The following CHRNA4 variants were observed in gnomAD, a reference collection of about 807,000 sequenced individuals.
CHRNA4 encodes cholinergic receptor nicotinic alpha 4 subunit.
CHRNA4 carries 28 observed loss-of-function variants against 48.9 expected under a neutral mutation model. The ratio of observed to expected loss-of-function variants is 0.57; its 90% confidence interval spans 0.42 to 0.79. The LOEUF (loss-of-function observed/expected upper bound fraction) is 0.79. Among genes scored for constraint, CHRNA4 ranks in the 30% least tolerant of loss-of-function variants. The pLI is 0.00. For missense variants in CHRNA4, 859 were observed against 898.4 expected, an observed-to-expected ratio of 0.96 and a Z score of 0.56; for synonymous variants, 425 against 402.3, an observed-to-expected ratio of 1.06 and a Z score of -0.68.
intron 4 of CHRNA4, 167 bp from the exon 5 acceptor site, chr20:63,351,194 C>A: frequency 1.7e-6 from 1 of 590,784 alleles, no homozygotes; most frequent in African/African-American, 2.0e-5. Flanking sequence ...TGTCCCACGC[C>A]CACATCCACA....
Position 63,346,195 on chromosome 20 carries a change from G to A in CHRNA4, c.*543C>T. 2.2e-6 allele frequency: 1 copy of A among 454,274 alleles called. No individual in the cohort carries two copies. Among genetic ancestry groups the A allele is most frequent in the South Asian group, 1.6e-5 (1 of 64,476 alleles). 28.1% of individuals were successfully genotyped at this position (454,274 alleles called of 1,614,324 possible). A position where few individuals can be genotyped will look rare whatever the true frequency, so the allele number is the denominator to read the frequency against. On this transcript the variant is annotated 3_prime_UTR_variant, in exon 6 of 6. Coordinates refer to ENST00000370263, the MANE Select transcript of CHRNA4 (RefSeq NM_000744.7). ...GCCTGGACCCTCTCCTAGCGAAGCA[G>A]ATTGGAGCGCTGCTGGCTCACCCTC... is the stretch of plus-strand genomic sequence containing the variant.
intron 4 of CHRNA4, among the ~76,000 whole-genome samples, chr20:63,353,278 C>A (rs1446509957): frequency 6.6e-6 from 1 of 152,220 alleles, no homozygotes; most frequent in East Asian, 1.9e-4. Context: ...AGACCCAGCA[C>A]CAGCGGCCAC....
At position 63,350,384 on chromosome 20, in the gene CHRNA4, A is replaced by T; in HGVS notation, c.1027T>A (p.Trp343Arg). The T allele has an allele frequency of 6.2e-7, 1 of 1,613,818 alleles. No homozygotes were observed. The highest frequency in any genetic ancestry group is 8.5e-7 in the Non-Finnish European group (1 of 1,180,022). The change falls in exon 5 of 6, where the codon TGG (tryptophan) becomes AGG (arginine). Residue 343 changes from tryptophan to arginine, a missense_variant. Physicochemically the swap from Trp to Arg is moderately radical, Grantham distance 101 (BLOSUM62 -3). Around this residue, in one of 3 missense-constraint regions of CHRNA4, gnomAD observed 478 missense variants for 455.4 expected, o/e 1.05. Transcript: ENST00000370263. ...RSPRTHTMPT[W>R]VRRVFLDIVP... ...ATGTCCAGGAAGACCCTGCGTACCC[A>T]GGTGGGCATGGTGTGCGTGCGTGGC...
chr20:63,349,352 G>C (rs2068544680), intron 5 of CHRNA4, among the ~76,000 whole-genome samples: 1 of 152,228 alleles, frequency 6.6e-6, no homozygotes, highest in South Asian at 2.1e-4. Context: ...GTGCTGGAAG[G>C]ACGCTGCCTG....
At chr20:63,359,438 TCA>T in intron 2 of CHRNA4, 108 bp downstream of exon 2, 2 of 1,418,112 alleles carry the variant, frequency 1.4e-6, no homozygotes, top group Non-Finnish European at 2.0e-6. Flanking sequence ...GGCCGGACAC[TCA>T]CAGCCACGGG....
intron 5 of CHRNA4, among the ~76,000 whole-genome samples, chr20:63,347,538 A>G (rs1011859292): frequency 6.6e-6 from 1 of 152,010 alleles, no homozygotes; most frequent in African/African-American, 2.4e-5. Context: ...CCCCCGGGTG[A>G]CCCCCAGGAG....
rs1395104048 is a variant in CHRNA4, at chr20:63,351,222, G to A, written c.384-195C>T. On this transcript the variant is annotated intron_variant, in intron 4 of 5. Coordinates refer to ENST00000370263, the MANE Select transcript of CHRNA4 (RefSeq NM_000744.7). Reference sequence around the variant, plus strand: ...CATCCACACCCACGTCCACGTCCACGCCCACATCCACACCCACGTCCACGT... The same window carrying A: ...CATCCACACCCACGTCCACGTCCACACCCACATCCACACCCACGTCCACGT... The A allele has an allele frequency of 0.077, 33,835 of 439,836 alleles. 2,056 individuals carry two copies. The highest frequency in any genetic ancestry group is 0.12 in the South Asian group (5,504 of 47,154). 27.2% of individuals were successfully genotyped at this position (439,836 alleles called of 1,614,324 possible).
chr20:63,359,301 C>T (rs1651389028), intron 2 of CHRNA4: 1 of 576,984 alleles, frequency 1.7e-6, no homozygotes, highest in African/African-American at 1.9e-5. Flanking sequence ...GAGAACCTGG[C>T]CACTTGGAGT....
intron 1 of CHRNA4, 66 bp downstream of exon 1, chr20:63,361,024 G>C: frequency 7.8e-7 from 1 of 1,275,602 alleles, no homozygotes. Flanking sequence ...CCTCCCTCTG[G>C]CTCTGGGGGT....
In CHRNA4 at chr20:63,345,717, C is replaced by T; in HGVS notation, c.*1021G>A. 2.2e-6 allele frequency: 1 copy of T among 452,968 alleles called. No individual in the cohort carries two copies. The highest frequency in any genetic ancestry group is 4.4e-6 in the Non-Finnish European group (1 of 225,890). 28.1% of individuals were successfully genotyped at this position (452,968 alleles called of 1,614,324 possible). ...GTGGAGGTCCTCAAGGATGCCCCCA[C>T]CAGCTCCCCACAGCTACTGTAGCAG... On this transcript the variant is annotated 3_prime_UTR_variant, in exon 6 of 6. Coordinates refer to ENST00000370263, the MANE Select transcript of CHRNA4 (RefSeq NM_000744.7). The surrounding 1 kb of genome is among the most constrained non-coding windows in gnomAD (Gnocchi z 5.4).
At chr20:63,352,977 C>G (rs940925522) in intron 4 of CHRNA4, among the ~76,000 whole-genome samples, 1 of 152,146 alleles carries the variant, frequency 6.6e-6, no homozygotes, top group East Asian at 1.9e-4. Context: ...GCTCTGGACT[C>G]GCACCATAAA....
chr20:63,359,907 G>GTGTGTGTGCCGGGCGTGCGC lies in CHRNA4; in HGVS notation c.77-209_77-208insGCGCACGCCCGGCACACACA, dbSNP rs1555840821. The GTGTGTGTGCCGGGCGTGCGC allele has an allele frequency of 6.4e-4, 275 of 432,590 alleles. 1 individual carries two copies. The highest frequency in any genetic ancestry group is 5.9e-3 in the African/African-American group (211 of 35,596). 26.8% of individuals were successfully genotyped at this position (432,590 alleles called of 1,614,324 possible). On this transcript the variant is annotated intron_variant, in intron 1 of 5. Transcript: ENST00000370263. ...TGTGCCGGGCGTGTGCTGTGTGTGT[G>GTGTGTGTGCCGGGCGTGCGC]TGTGTGTGTGTGTGTGTGTGTGCCG...
chr20:63,344,917 C>G lies in CHRNA4; in HGVS notation c.*1821G>C. On this transcript the variant is annotated 3_prime_UTR_variant, in exon 6 of 6. Transcript: ENST00000370263. This position sits in a 1 kb window ranked among gnomAD's most constrained non-coding sequence, Gnocchi z 4.5. ...GGGGGATGTGGGAGGGGCCAGGGGG[C>G]TGGGGATGCCCAGGATTTGGCACGG... The G allele has an allele frequency of 2.5e-6, 1 of 404,244 alleles. No homozygotes were observed. Among genetic ancestry groups the G allele is most frequent in the South Asian group, 1.8e-5 (1 of 55,946 alleles). The allele number at this position is 404,244 out of a possible 1,614,324, so 25.0% of individuals were successfully genotyped here. A position where few individuals can be genotyped will look rare whatever the true frequency, so the allele number is the denominator to read the frequency against.
rs45510592 is a variant in CHRNA4, at chr20:63,360,520, G to C, written c.76+570C>G. ...GCCATAAGGGGCGGGTCTGGGCGGA[G>C]GGGGAGACCTCCACCTCCCTGGTGG... On this transcript the variant is annotated intron_variant, in intron 1 of 5. Transcript: ENST00000370263. Among the ~76,000 whole-genome samples the C allele has an allele frequency of 5.7e-3, 875 of 152,290 alleles. 3 individuals are homozygous for C. The highest frequency in any genetic ancestry group is 9.1e-3 in the Non-Finnish European group (619 of 67,996).
In CHRNA4 at chr20:63,345,568, T is replaced by C. The variant is rs41283006; in HGVS notation, c.*1170A>G. ...TGGATACCGCCTGCAGGGGTGAGGCTGTGCTGAGCTCTGCCTGCCCTGCCA... is the reference window on the plus strand; with the variant it reads ...TGGATACCGCCTGCAGGGGTGAGGCCGTGCTGAGCTCTGCCTGCCCTGCCA... On this transcript the variant is annotated 3_prime_UTR_variant, in exon 6 of 6. Coordinates refer to ENST00000370263, the MANE Select transcript of CHRNA4 (RefSeq NM_000744.7). This position sits in a 1 kb window ranked among gnomAD's most constrained non-coding sequence, Gnocchi z 5.4. The C allele has an allele frequency of 0.057, 24,937 of 438,998 alleles. 1,010 individuals carry two copies. Among genetic ancestry groups the C allele is most frequent in the South Asian group, 0.11 (7,322 of 64,004 alleles). The allele number at this position is 438,998 out of a possible 1,614,324, so 27.2% of individuals were successfully genotyped here.
intron 4 of CHRNA4, among the ~76,000 whole-genome samples, chr20:63,352,978 G>A (rs45602340): frequency 1.3e-5 from 2 of 152,044 alleles, no homozygotes; most frequent in African/African-American, 2.4e-5. Context: ...CTCTGGACTC[G>A]CACCATAAAG....
Position 63,361,306 on chromosome 20 carries a change from G to T in CHRNA4, c.-141C>A. The stretch of plus-strand genomic sequence containing the variant: ...GGCCCGGTTCGTCTTCTCCTGTGGG[G>T]CGCGGTGCGGCGGCGGCGCGGCAGG... On this transcript the variant is annotated 5_prime_UTR_variant, in exon 1 of 6. Transcript: ENST00000370263. The T allele has an allele frequency of 8.0e-7, 1 of 1,250,204 alleles. No homozygotes were observed. Among genetic ancestry groups the T allele is most frequent in the South Asian group, 2.3e-5 (1 of 42,890 alleles). 77.4% of individuals were successfully genotyped at this position (1,250,204 alleles called of 1,614,324 possible). A position where few individuals can be genotyped will look rare whatever the true frequency, so the allele number is the denominator to read the frequency against.
chr20:63,355,957 T>G lies in CHRNA4; in HGVS notation c.383+18A>C, dbSNP rs1035528942. 1.9e-6 allele frequency: 3 copies of G among 1,606,940 alleles called. No individual in the cohort carries two copies. The highest frequency in any genetic ancestry group is 1.3e-5 in the African/African-American group (1 of 74,322). ...CACCAAGGCCCTGTAGAGGACTCACTTGTTGTAGAGGACTCACTTGTTGTA... is the reference window on the plus strand; with the variant it reads ...CACCAAGGCCCTGTAGAGGACTCACGTGTTGTAGAGGACTCACTTGTTGTA... On this transcript the variant is annotated intron_variant, in intron 4 of 5. Coordinates refer to ENST00000370263, the MANE Select transcript of CHRNA4 (RefSeq NM_000744.7).
intron 3 of CHRNA4, 31 bp from the exon 4 acceptor site, chr20:63,356,115 G>A (rs2068713797): frequency 8.2e-7 from 1 of 1,224,262 alleles, no homozygotes; most frequent in Admixed American, 2.1e-5. Flanking sequence ...GGAGGCTGCA[G>A]GGTGAGGGGT....
Sources: gnomAD v4.1 joint callset for allele counts (sites outside exome capture counted in the v4.1 genomes callset) on GRCh38, gnomAD v4.1.1 for gene constraint, gnomAD v4.1.1 regional missense constraint, Gnocchi (gnomAD v3.1) non-coding constraint, MANE v1.5 for transcripts, NCBI Gene and HGNC (gene_info 2026-07-23, HGNC 2026-07-21) for gene names.